RBFOX1: variants seen among roughly 807,000 people sequenced by gnomAD.
The protein encoded by RBFOX1 is RNA binding protein fox-1 homolog 1.
In RBFOX1, 8 loss-of-function variants were observed where a neutral mutation model predicts 57.7. The observed-to-expected ratio is 0.14, with a 90% CI of 0.08 to 0.25. The LOEUF (loss-of-function observed/expected upper bound fraction) is 0.25, where lower values mean the gene tolerates loss of function less well. Ranked by LOEUF, RBFOX1 falls within the 10% of genes least tolerant of loss-of-function variation. RBFOX1 has a pLI of 1.00. For synonymous variants in RBFOX1, 326 were observed against 222.4 expected (o/e 1.47, Z -4.15); for missense variants, 611 against 548.5 (o/e 1.11, Z -1.14).
In RBFOX1 at chr16:7,599,249, G is replaced by GTCATAGTCTTTA. The variant is rs1340729254; in HGVS notation, c.622+1818_622+1819insTCATAGTCTTTA. Among the ~76,000 whole-genome samples, 45 of 152,354 alleles carry GTCATAGTCTTTA rather than the reference G, an allele frequency of 3.0e-4. No homozygotes were observed. In the South Asian group the frequency reaches 9.3e-3, roughly 32 times the overall value. The stretch of plus-strand genomic sequence containing the variant: ...ATTTCATATATGGTGACATCAACCT[G>GTCATAGTCTTTA]ACGGTTGGGCATAGTCTTTAATTAT... On this transcript the variant is annotated intron_variant, in intron 9 of 15. Transcript: ENST00000550418.
rs75296412 is a variant in RBFOX1 at position 7,141,728 on chromosome 16, C to T, written c.27+89630C>T. ...CCCTTCTTCTCCTTTACCTCATCAT[C>T]CTATCCACCAGTAAGTTCTAATCCA... is the stretch of plus-strand genomic sequence containing the variant. On this transcript the variant is annotated intron_variant, in intron 4 of 15. Coordinates refer to ENST00000550418, the MANE Select transcript of RBFOX1 (RefSeq NM_018723.4). Among the ~76,000 whole-genome samples the T allele has an allele frequency of 7.5e-3, 1,146 of 152,216 alleles. 17 individuals carry two copies. Among genetic ancestry groups the T allele is most frequent in the African/African-American group, 0.026 (1,079 of 41,512 alleles).
chr16:7,006,545 G>A (rs964792412), intron 3 of RBFOX1, among the ~76,000 whole-genome samples: 3 of 152,048 alleles, frequency 2.0e-5, no homozygotes, highest in Non-Finnish European at 4.4e-5. Flanking sequence ...GAACTCCTGG[G>A]CTCAAGCAGT....
chr16:6,852,885 C>T (rs988615921), intron 3 of RBFOX1, among the ~76,000 whole-genome samples: 2 of 152,066 alleles, frequency 1.3e-5, no homozygotes, highest in Admixed American at 6.6e-5. Context: ...ATGCTGGGAA[C>T]TAGCTGTCCA....
intron 4 of RBFOX1, among the ~76,000 whole-genome samples, chr16:7,460,399 G>GTGTGTA (rs2059354621): frequency 2.1e-5 from 1 of 48,070 alleles, no homozygotes; most frequent in African/African-American, 8.1e-5. Context: ...ATGTGTGTGT[G>GTGTGTA]TGTGTGTGTG....
At chr16:5,901,257 T>G (rs1339781018) in intron 4 of RBFOX1, among the ~76,000 whole-genome samples, 7 of 152,198 alleles carry the variant, frequency 4.6e-5, no homozygotes, top group Non-Finnish European at 1.0e-4. Flanking sequence ...GGTCTTTGTT[T>G]TAGGCAGGTC....
At chr16:5,593,181 G>A (rs1459712140) in intron 2 of RBFOX1, among the ~76,000 whole-genome samples, 1 of 152,184 alleles carries the variant, frequency 6.6e-6, no homozygotes, top group Non-Finnish European at 1.5e-5. Flanking sequence ...ATGAGTTCAT[G>A]TCCTTTGCAG....
At chr16:5,578,768 C>G (rs904814753) in intron 2 of RBFOX1, among the ~76,000 whole-genome samples, 1 of 151,876 alleles carries the variant, frequency 6.6e-6, no homozygotes, top group Non-Finnish European at 1.5e-5. Context: ...AAAAATATCT[C>G]CACCGGGCCA....
chr16:5,334,878 C>T (rs2064856598), intron 1 of RBFOX1, among the ~76,000 whole-genome samples: 1 of 151,738 alleles, frequency 6.6e-6, no homozygotes, highest in African/African-American at 2.4e-5. Flanking sequence ...AACCTGTTTC[C>T]TGTTTTAGTT....
rs780297537 is a variant in RBFOX1 at position 6,659,514 on chromosome 16, A to G, written c.-16+4864A>G. Among the ~76,000 whole-genome samples, 80 of 152,130 alleles carry G rather than the reference A, an allele frequency of 5.3e-4. 1 individual carries two copies. The highest frequency in any genetic ancestry group is 1.0e-3 in the Non-Finnish European group (71 of 68,022). On this transcript the variant is annotated intron_variant, in intron 3 of 15. Coordinates refer to ENST00000550418, the MANE Select transcript of RBFOX1 (RefSeq NM_018723.4). Reference sequence around the variant, plus strand: ...ATACTTAAAACAGTTGTGGTGTGGAAGTACCATCATTTTCCCTGTTTTACA... The same window carrying G: ...ATACTTAAAACAGTTGTGGTGTGGAGGTACCATCATTTTCCCTGTTTTACA...
intron 3 of RBFOX1, among the ~76,000 whole-genome samples, chr16:7,030,906 T>G (rs2042623227): frequency 6.6e-6 from 1 of 152,186 alleles, no homozygotes. Context: ...ATCCTTGTCA[T>G]TTGACAAAGA....
intron 3 of RBFOX1, among the ~76,000 whole-genome samples, chr16:5,756,450 G>A (rs569080255): frequency 6.6e-6 from 1 of 152,222 alleles, no homozygotes; most frequent in South Asian, 2.1e-4. Flanking sequence ...CACCTTTGCG[G>A]TGGAGTTTGT....
At chr16:5,919,030 A>T (rs1056993166) in intron 4 of RBFOX1, among the ~76,000 whole-genome samples, 6 of 152,204 alleles carry the variant, frequency 3.9e-5, no homozygotes, top group African/African-American at 1.2e-4. Flanking sequence ...CCTCTCAGGA[A>T]GGAATCATAT....
chr16:5,253,823 C>G (rs570277416), intron 1 of RBFOX1, among the ~76,000 whole-genome samples: 1 of 152,360 alleles, frequency 6.6e-6, no homozygotes, highest in South Asian at 2.1e-4. Context: ...GCACATCCTG[C>G]TCTTGCTGCC....
At chr16:6,052,438 G>A (rs76457486) in intron 1 of RBFOX1, among the ~76,000 whole-genome samples, 9,404 of 152,180 alleles carry the variant, frequency 0.062, 481 homozygotes, top group African/African-American at 0.13. Context: ...AGTTTGCTTA[G>A]TCAACCTCTA....
intron 4 of RBFOX1, among the ~76,000 whole-genome samples, chr16:7,101,325 T>A (rs958749947): frequency 9.2e-5 from 14 of 152,228 alleles, no homozygotes; most frequent in East Asian, 7.7e-4. Flanking sequence ...TTGGAGAAAA[T>A]GCTATTCATT....
At chr16:6,756,919 G>A (rs1003679207) in intron 3 of RBFOX1, among the ~76,000 whole-genome samples, 2 of 152,088 alleles carry the variant, frequency 1.3e-5, no homozygotes, top group African/African-American at 4.8e-5. Context: ...AGGTTGCAGT[G>A]AGCTGAGATC....
At chr16:5,425,347 G>C (rs554847457) in intron 1 of RBFOX1, among the ~76,000 whole-genome samples, 3 of 151,942 alleles carry the variant, frequency 2.0e-5, no homozygotes, top group Admixed American at 2.0e-4. Context: ...CTCATGATCC[G>C]CCCACCTTGG....
intron 3 of RBFOX1, among the ~76,000 whole-genome samples, chr16:5,738,633 C>CGGAAAAAA (rs2052665197): frequency 2.2e-5 from 1 of 44,660 alleles, no homozygotes; most frequent in Non-Finnish European, 4.3e-5. Context: ...GGCTCTGTCT[C>CGGAAAAAA]AGAAAAAAAA....
intron 2 of RBFOX1, among the ~76,000 whole-genome samples, chr16:6,528,207 G>A (rs2096608371): frequency 6.6e-6 from 1 of 152,068 alleles, no homozygotes; most frequent in South Asian, 2.1e-4. Flanking sequence ...CCTGCTCATA[G>A]TAGTTGCTCA....
Sources: allele counts gnomAD v4.1 joint callset (sites outside exome capture counted in the v4.1 genomes callset), GRCh38; gene constraint gnomAD v4.1.1; transcripts MANE v1.5; gene names NCBI Gene and HGNC (gene_info 2026-07-23, HGNC 2026-07-21).